The following XKR5 variants were observed in gnomAD, a reference collection of about 807,000 sequenced individuals.
XKR5 encodes the protein XK related 5.
XKR5 carries 46 observed loss-of-function variants against 40.8 expected under a neutral mutation model. The ratio of observed to expected loss-of-function variants is 1.13; its 90% CI spans 0.89 to 1.44. XKR5 has a LOEUF of 1.44. XKR5 is among the 40% of genes most tolerant of loss of function. XKR5 has a pLI of 0.00. For synonymous variants in XKR5, 466 were observed against 356.1 expected (o/e 1.31, Z -3.48); for missense variants, 1,169 against 844.7 (o/e 1.38, Z -4.76).
At chr8:6,820,883 C>G (rs1804201668) in intron 5 of XKR5, among the ~76,000 whole-genome samples, 1 of 152,182 alleles carries the variant, frequency 6.6e-6, no homozygotes, top group Non-Finnish European at 1.5e-5. Flanking sequence ...ACCCAGGTCT[C>G]TACCCTGGAA....
intron 5 of XKR5, among the ~76,000 whole-genome samples, chr8:6,819,813 C>T (rs528133216): frequency 2.0e-3 from 237 of 119,104 alleles, no homozygotes; most frequent in South Asian, 6.3e-3. Context: ...CCTCCACTTC[C>T]TTCCTCTTCC....
In XKR5 at chr8:6,818,396, G is replaced by A. The variant is rs118041955; in HGVS notation, c.808-2478C>T. On this transcript the variant is annotated intron_variant, in intron 5 of 6. Coordinates refer to ENST00000618742, the MANE Select transcript of XKR5 (RefSeq NM_207411.5). Reference sequence around the variant, plus strand: ...TAGCGTCACTTCTCTGATCACAGTGGCTGCATGGATTTGCTTATGTCTTTG... The same window carrying A: ...TAGCGTCACTTCTCTGATCACAGTGACTGCATGGATTTGCTTATGTCTTTG... Among the ~76,000 whole-genome samples, 1,408 of 152,296 alleles carry A rather than the reference G, an allele frequency of 9.2e-3. 9 individuals are homozygous for A. Among genetic ancestry groups the A allele is most frequent in the Middle Eastern group, 0.048 (14 of 294 alleles).
chr8:6,832,257 T>G (rs1182012376), intron 2 of XKR5, among the ~76,000 whole-genome samples: 1 of 152,154 alleles, frequency 6.6e-6, no homozygotes, highest in Non-Finnish European at 1.5e-5. Flanking sequence ...AAACTAGCCC[T>G]GGCATCCAAA....
rs183896734 is a variant in XKR5 at position 6,813,980 on chromosome 8, G to A, written c.920-1641C>T. 5.1e-4 allele frequency among the ~76,000 whole-genome samples: 78 copies of A among 152,256 alleles called. 2 individuals carry two copies. The highest frequency in any genetic ancestry group is 3.3e-3 in the East Asian group (17 of 5,178). On this transcript the variant is annotated intron_variant, in intron 6 of 6. Coordinates refer to ENST00000618742, the MANE Select transcript of XKR5 (RefSeq NM_207411.5). Reference sequence around the variant, plus strand: ...CCCCCAGGACTCAGCTATACCTCCCGTGAACTGGAAAATCCAGATGAGTTG... The same window carrying A: ...CCCCCAGGACTCAGCTATACCTCCCATGAACTGGAAAATCCAGATGAGTTG...
intron 2 of XKR5, among the ~76,000 whole-genome samples, chr8:6,828,120 T>C (rs888583695): frequency 5.9e-5 from 9 of 152,078 alleles, no homozygotes; most frequent in African/African-American, 2.2e-4. Flanking sequence ...TTTAGAAACC[T>C]AAGATTCAGT....
In XKR5 at chr8:6,809,812, T is replaced by C. The variant is rs1219966998; in HGVS notation, c.*1386A>G. On this transcript the variant is annotated 3_prime_UTR_variant, in exon 7 of 7. Transcript: ENST00000618742. ...CTAATCCAAAAGTGTTTGGAGAGAA[T>C]AAAAACTACCCATTCTGGCTGGGCA... is the stretch of plus-strand genomic sequence containing the variant. 1.3e-5 allele frequency: 2 copies of C among 152,188 alleles called. No individual in the cohort carries two copies. The highest frequency in any genetic ancestry group is 1.3e-4 in the Admixed American group (2 of 15,276). The allele number at this position is 152,188 out of a possible 1,614,324, so 9.4% of individuals were successfully genotyped here. A position where few individuals can be genotyped will look rare whatever the true frequency, so the allele number is the denominator to read the frequency against.
intron 6 of XKR5, among the ~76,000 whole-genome samples, chr8:6,814,563 C>G (rs996687405): frequency 2.6e-5 from 4 of 152,122 alleles, no homozygotes; most frequent in Non-Finnish European, 5.9e-5. Context: ...ACTTTGAGAT[C>G]CTGGCTGTGA....
In XKR5 at chr8:6,821,959, C is replaced by G; in HGVS notation, c.717G>C (p.Leu239=). 6.2e-7 allele frequency: 1 copy of G among 1,612,494 alleles called. No individual in the cohort carries two copies. The highest frequency in any genetic ancestry group is 8.5e-7 in the Non-Finnish European group (1 of 1,179,190). Residue 239 remains leucine, a synonymous_variant, in exon 5 of 7, where the codon CTG becomes CTC. Coordinates refer to ENST00000618742, the MANE Select transcript of XKR5 (RefSeq NM_207411.5). ...ACACGGCCCCCACGAGCAGGTTGAA[C>G]AGCCTCCAGTGGCAGGTGCTGTCGA... ...DIIDSTCHWR[L]FNLLVGAVYI...
chr8:6,819,096 G>GGT (rs536406021), intron 5 of XKR5, among the ~76,000 whole-genome samples: 7 of 152,218 alleles, frequency 4.6e-5, no homozygotes, highest in Non-Finnish European at 7.3e-5. Flanking sequence ...GGGATGTGGG[G>GGT]GTGGTACACT....
intron 5 of XKR5, 44 bp from the exon 6 acceptor site, chr8:6,815,962 A>C (rs753171276): frequency 1.7e-5 from 24 of 1,450,426 alleles, no homozygotes; most frequent in Non-Finnish European, 2.2e-5. Context: ...TCAGGTGCAC[A>C]CTGCCTAGGG....
chr8:6,812,303 T>G lies in XKR5; in HGVS notation c.956A>C (p.His319Pro). 6.4e-7 allele frequency: 1 copy of G among 1,552,282 alleles called. No homozygotes were observed. Among genetic ancestry groups the G allele is most frequent in the Non-Finnish European group, 8.7e-7 (1 of 1,147,106 alleles). Residue 319 changes from histidine to proline, a missense_variant, in exon 7 of 7, where the codon CAT becomes CCT. Coordinates refer to ENST00000618742, the MANE Select transcript of XKR5 (RefSeq NM_207411.5). ...CTGCCAGATGTCTGTGGATTTTGGA[T>G]GCAGCAGGCTGTAATAAATTACCAG... ...VSLVIYYSLL[H>P]PKSTDIWQGC... is the part of the protein sequence containing the mutation.
chr8:6,830,905 A>T (rs115701474), intron 2 of XKR5, among the ~76,000 whole-genome samples: 3,320 of 152,284 alleles, frequency 0.022, 128 homozygotes, highest in African/African-American at 0.075. Flanking sequence ...ATTTGGACAC[A>T]CCGTGGTCCC....
At position 6,823,742 on chromosome 8, in the gene XKR5, G is replaced by C. The variant is rs1211146502; in HGVS notation, c.428-12C>G. The C allele has an allele frequency of 6.4e-7, 1 of 1,555,300 alleles. No homozygotes were observed. Among genetic ancestry groups the C allele is most frequent in the Non-Finnish European group, 8.7e-7 (1 of 1,148,540 alleles). On this transcript the variant is annotated splice_polypyrimidine_tract_variant and intron_variant, in intron 3 of 6. Coordinates refer to ENST00000618742, the MANE Select transcript of XKR5 (RefSeq NM_207411.5). ...CAGGGTGCTCACCCCTGAAAGGGAA[G>C]CAGAAAGATGTGGTATGCTCTGAAG...
At chr8:6,832,226 C>G (rs1351001220) in intron 2 of XKR5, among the ~76,000 whole-genome samples, 1 of 152,024 alleles carries the variant, frequency 6.6e-6, no homozygotes, top group South Asian at 2.1e-4. Context: ...AGAACTATCC[C>G]TGGCTACTTC....
At position 6,815,883 on chromosome 8, in the gene XKR5, C is replaced by T; in HGVS notation, c.843G>A (p.Leu281=). The T allele has an allele frequency of 1.9e-6, 3 of 1,603,860 alleles. No individual in the cohort carries two copies. In the East Asian group the frequency reaches 6.8e-5, roughly 36 times the overall value. The part of the protein sequence containing the change: ...MLLENIILLL[L]ATDFLQGASW... ...ATGCCCCCTGGAGAAAGTCGGTGGC[C>T]AACAGCAACAGGATGATGTTCTCCA... Residue 281 remains leucine, a synonymous_variant, in exon 6 of 7, where the codon TTG becomes TTA. Coordinates refer to ENST00000618742, the MANE Select transcript of XKR5 (RefSeq NM_207411.5).
intron 3 of XKR5, 83 bp downstream of exon 3, chr8:6,825,082 G>A: frequency 6.5e-7 from 1 of 1,531,924 alleles, no homozygotes; most frequent in East Asian, 2.3e-5. Context: ...AAATCTCGAA[G>A]GGAGGGTTTT....
intron 1 of XKR5, among the ~76,000 whole-genome samples, chr8:6,835,233 G>A (rs2117130740): frequency 6.6e-6 from 1 of 152,176 alleles, no homozygotes; most frequent in African/African-American, 2.4e-5. Flanking sequence ...TCCTTGGGGG[G>A]ATGGTGCATG....
rs1326868141 is a variant in XKR5, at chr8:6,811,073, G to T, written c.*125C>A. 36 of 977,712 alleles carry T rather than the reference G, an allele frequency of 3.7e-5. No homozygotes were observed. Among genetic ancestry groups the T allele is most frequent in the African/African-American group, 1.6e-5 (1 of 60,846 alleles). 60.6% of individuals were successfully genotyped at this position (977,712 alleles called of 1,614,324 possible). A position where few individuals can be genotyped will look rare whatever the true frequency, so the allele number is the denominator to read the frequency against. ...TTCTTCATTTTTCAGGGATGCAGAT[G>T]GAGATTCAGAGGTGACAGTGATGTG... is the stretch of plus-strand genomic sequence containing the variant. On this transcript the variant is annotated 3_prime_UTR_variant, in exon 7 of 7. Coordinates refer to ENST00000618742, the MANE Select transcript of XKR5 (RefSeq NM_207411.5).
At chr8:6,831,698 G>C (rs1412369779) in intron 2 of XKR5, among the ~76,000 whole-genome samples, 1 of 151,702 alleles carries the variant, frequency 6.6e-6, no homozygotes, top group Non-Finnish European at 1.5e-5. Context: ...TCACCGCTCT[G>C]ATCCCTGAAT....
Sources: gnomAD v4.1 joint callset for allele counts (sites outside exome capture counted in the v4.1 genomes callset) on GRCh38, gnomAD v4.1.1 for gene constraint, MANE v1.5 for transcripts, NCBI Gene and HGNC (gene_info 2026-07-23, HGNC 2026-07-21) for gene names.